UMOD: variants seen among roughly 807,000 people sequenced by gnomAD.
UMOD encodes the protein Tamm-Horsfall urinary glycoprotein.
In UMOD, 64 loss-of-function variants were observed where a neutral mutation model predicts 66.0. The ratio of observed to expected loss-of-function variants is 0.97; its 90% CI spans 0.79 to 1.19. The LOEUF is 1.19. UMOD is among the 50% of genes most tolerant of loss of function. The probability of loss-of-function intolerance (pLI) is 0.00; values close to 1 mark genes in which losing one functional copy is unlikely to be tolerated. For missense variants in UMOD, 764 were observed against 850.9 expected (o/e 0.90, Z 1.27); for synonymous variants, 398 against 352.7 (o/e 1.13, Z -1.44).
chr16:20,346,609 G>T (rs1965600250), intron 4 of UMOD, among the ~76,000 whole-genome samples: 2 of 152,130 alleles, frequency 1.3e-5, no homozygotes. Context: ...TGATGTCCCA[G>T]CATTAAATAA....
intron 3 of UMOD, 42 bp from the exon 4 acceptor site, chr16:20,348,372 A>AC (rs977074265): frequency 2.5e-6 from 4 of 1,613,644 alleles, no homozygotes; most frequent in Middle Eastern, 1.6e-4. Flanking sequence ...ATAAGGACGC[A>AC]CCCCCGTCCT....
upstream of UMOD, among the ~76,000 whole-genome samples, chr16:20,354,117 G>A (rs925877168): frequency 6.5e-4 from 99 of 152,082 alleles, no homozygotes; most frequent in Non-Finnish European, 3.7e-4. Context: ...AGTATTCCAC[G>A]GTGTATATGT....
At chr16:20,344,316 C>T in intron 5 of UMOD, 144 bp from the exon 6 acceptor site, 2 of 853,786 alleles carry the variant, frequency 2.3e-6, no homozygotes, top group South Asian at 3.2e-5. Context: ...TAAAAAGCTG[C>T]CTGTGGCCGG....
rs780169102 is a variant in UMOD at position 20,350,753 on chromosome 16, C to G, written c.-16G>C. 1.1e-5 allele frequency: 17 copies of G among 1,613,994 alleles called. No homozygotes were observed. The highest frequency in any genetic ancestry group is 1.4e-5 in the Non-Finnish European group (17 of 1,180,004). ...GCTGCCCCATCCTTTCTGCTCTTCC[C>G]GCTACTTCAGGTCTAGATAGCACCT... On this transcript the variant is annotated 5_prime_UTR_variant, in exon 2 of 11. Coordinates refer to ENST00000396138, the MANE Select transcript of UMOD (RefSeq NM_003361.4).
chr16:20,337,569 T>A, intron 7 of UMOD, 116 bp from the exon 8 acceptor site: 1 of 1,276,056 alleles, frequency 7.8e-7, no homozygotes, highest in Non-Finnish European at 1.1e-6. Flanking sequence ...GGGCAACTTA[T>A]TTAATCTCTG....
Position 20,337,399 on chromosome 16 carries a change from G to A in UMOD, c.1632C>T (p.Ser544=), listed in dbSNP as rs1268991916. The change falls in exon 8 of 11, where the codon TCC becomes TCT. Residue 544 remains serine, a synonymous_variant. Transcript: ENST00000396138. ...ACATCTGGACGGAAAATCGGCCCTG[G>A]GAGGACTCCCCATTCTCCACCACTT... is the stretch of plus-strand genomic sequence containing the variant. ...TIQVVENGES[S]QGRFSVQMFR... 6.2e-7 allele frequency: 1 copy of A among 1,614,080 alleles called. No homozygotes were observed. The highest frequency in any genetic ancestry group is 8.5e-7 in the Non-Finnish European group (1 of 1,180,048).
rs560828991 is a variant in UMOD at position 20,333,084 on chromosome 16, T to C, written c.*230A>G. 1.8e-6 allele frequency: 1 copy of C among 554,480 alleles called. No homozygotes were observed. Among genetic ancestry groups the C allele is most frequent in the East Asian group, 3.3e-5 (1 of 30,430 alleles). The allele number at this position is 554,480 out of a possible 1,614,324, so 34.3% of individuals were successfully genotyped here. On this transcript the variant is annotated 3_prime_UTR_variant, in exon 11 of 11. Coordinates refer to ENST00000396138, the MANE Select transcript of UMOD (RefSeq NM_003361.4). ...AAAAATCATTATTTTGCCACACTCT[T>C]TAAGGAGATGGGGGCCTCAGGTACA... is the stretch of plus-strand genomic sequence containing the variant.
upstream of UMOD, among the ~76,000 whole-genome samples, chr16:20,354,742 G>A (rs1450967386): frequency 6.6e-6 from 1 of 152,108 alleles, no homozygotes; most frequent in African/African-American, 2.4e-5. Flanking sequence ...TGTATTTGGT[G>A]CTTGTACATT....
Position 20,335,534 on chromosome 16 carries a change from C to G in UMOD, c.1823-14G>C, listed in dbSNP as rs1964822660. ...TGGCCTGGACACCTTTGGAGGAAAACAGAAGGATCAGTGAATAAAGAATGC... is the reference window on the plus strand; with the variant it reads ...TGGCCTGGACACCTTTGGAGGAAAAGAGAAGGATCAGTGAATAAAGAATGC... On this transcript the variant is annotated splice_polypyrimidine_tract_variant and intron_variant, in intron 9 of 10. Transcript: ENST00000396138. The G allele has an allele frequency of 6.2e-7, 1 of 1,613,772 alleles. No homozygotes were observed. Among genetic ancestry groups the G allele is most frequent in the Non-Finnish European group, 8.5e-7 (1 of 1,179,802 alleles).
intron 2 of UMOD, chr16:20,349,707 C>T: frequency 6.6e-7 from 1 of 1,509,212 alleles, no homozygotes; most frequent in Non-Finnish European, 8.9e-7. Context: ...AATTCCTATA[C>T]TTTGGTAGGA....
At chr16:20,345,154 C>T (rs944373717) in intron 5 of UMOD, among the ~76,000 whole-genome samples, 1 of 152,070 alleles carries the variant, frequency 6.6e-6, no homozygotes, top group Non-Finnish European at 1.5e-5. Context: ...GCTGGGATTA[C>T]AGGTGCCCAC....
At chr16:20,343,287 G>A (rs753986223) in intron 6 of UMOD, among the ~76,000 whole-genome samples, 51 of 152,026 alleles carry the variant, frequency 3.4e-4, no homozygotes, top group Non-Finnish European at 6.3e-4. Context: ...AATACTACGT[G>A]GCACCCAGTA....
At chr16:20,345,394 C>CTTTTTT (rs879393522) in intron 5 of UMOD, among the ~76,000 whole-genome samples, 3 of 121,596 alleles carry the variant, frequency 2.5e-5, no homozygotes, top group African/African-American at 1.1e-4. Context: ...CCTTTCTTTT[C>CTTTTTT]TTTTTTTTTC....
At position 20,348,107 on chromosome 16, in the gene UMOD, G is replaced by C. The variant is rs568452108; in HGVS notation, c.973+116C>G. 6.0e-4 allele frequency: 555 copies of C among 932,754 alleles called. 3 individuals are homozygous for C. Among genetic ancestry groups the C allele is most frequent in the Middle Eastern group, 3.9e-3 (16 of 4,090 alleles). The allele number at this position is 932,754 out of a possible 1,614,324, so 57.8% of individuals were successfully genotyped here. A position where few individuals can be genotyped will look rare whatever the true frequency, so the allele number is the denominator to read the frequency against. On this transcript the variant is annotated intron_variant, in intron 4 of 10. Coordinates refer to ENST00000396138, the MANE Select transcript of UMOD (RefSeq NM_003361.4). The stretch of plus-strand genomic sequence containing the variant: ...GGATCTTCTGTTTTCACTCAGGTTG[G>C]ATATATATCCCCTGCGTCATACCCA...
upstream of UMOD, among the ~76,000 whole-genome samples, chr16:20,355,252 T>C (rs1966012552): frequency 1.3e-5 from 2 of 152,126 alleles, no homozygotes; most frequent in African/African-American, 4.8e-5. Flanking sequence ...GCTCATCAAG[T>C]TCACCAAAGA....
chr16:20,341,792 G>A (rs908509646), intron 6 of UMOD, among the ~76,000 whole-genome samples: 1 of 152,194 alleles, frequency 6.6e-6, no homozygotes, highest in Non-Finnish European at 1.5e-5. Flanking sequence ...CTATGATGAG[G>A]CCTACAACTT....
chr16:20,342,134 CAGG>C (rs2141651310), intron 6 of UMOD, among the ~76,000 whole-genome samples: 1 of 152,290 alleles, frequency 6.6e-6, no homozygotes, highest in African/African-American at 2.4e-5. Flanking sequence ...CATTTGAGGC[CAGG>C]AGTTTAAGAC....
At chr16:20,345,400 T>TTTTTCTTTCTTTCTTTC (rs1555486828) in intron 5 of UMOD, among the ~76,000 whole-genome samples, 1 of 77,958 alleles carries the variant, frequency 1.3e-5, no homozygotes, top group African/African-American at 4.3e-5. Flanking sequence ...TTTTCTTTTT[T>TTTTTCTTTCTTTCTTTC]TTTCTTTCTT....
At chr16:20,333,756 G>A (rs987267710) in intron 10 of UMOD, among the ~76,000 whole-genome samples, 1 of 152,096 alleles carries the variant, frequency 6.6e-6, no homozygotes, top group African/African-American at 2.4e-5. Flanking sequence ...CCGGTTAGCC[G>A]GGTGGGGTGG....
Sources: allele counts gnomAD v4.1 joint callset (sites outside exome capture counted in the v4.1 genomes callset), GRCh38; gene constraint gnomAD v4.1.1; transcripts MANE v1.5; gene names NCBI Gene and HGNC (gene_info 2026-07-23, HGNC 2026-07-21).